The following ASXL1 variants were observed in gnomAD, a reference collection of about 807,000 sequenced individuals.
The protein encoded by ASXL1 is polycomb group protein ASXL1.
A neutral mutation model predicts 89.1 loss-of-function variants in ASXL1; 65 were observed. The ratio of observed to expected loss-of-function variants is 0.73; its 90% CI spans 0.60 to 0.90. The LOEUF is 0.90. Among genes scored for constraint, ASXL1 ranks in the 40% least tolerant of loss-of-function variants. ASXL1 has a pLI of 0.00. For missense variants in ASXL1, 1,786 were observed against 1,942.9 expected (o/e 0.92, Z 1.52); for synonymous variants, 739 against 746.9 (o/e 0.99, Z 0.17).
chr20:32,436,518 C>T lies in ASXL1; in HGVS notation c.3806C>T (p.Ser1269Leu), dbSNP rs747065583. ...AAGAGCCCAGGAGATCTTACTACCTCGAGAACACCTCGTTTCTCATCTCCA... is the reference window on the plus strand; with the variant it reads ...AAGAGCCCAGGAGATCTTACTACCTTGAGAACACCTCGTTTCTCATCTCCA... The part of the protein sequence containing the change: ...PGKSPGDLTT[S>L]RTPRFSSPNV... The change falls in exon 13 of 13, where the codon TCG (serine) becomes TTG (leucine). Residue 1269 changes from serine to leucine, a missense_variant. Physicochemically the swap from Ser to Leu is moderately radical, Grantham distance 145. Transcript: ENST00000375687. 8 of 1,614,234 alleles carry T rather than the reference C, an allele frequency of 5.0e-6. No individual in the cohort carries two copies. The highest frequency in any genetic ancestry group is 2.2e-5 in the South Asian group (2 of 91,086).
intron 4 of ASXL1, among the ~76,000 whole-genome samples, chr20:32,416,702 A>G (rs575044296): frequency 1.1e-4 from 17 of 152,298 alleles, no homozygotes; most frequent in Non-Finnish European, 2.2e-4. Flanking sequence ...CTAAGGGACT[A>G]TTCCCTTACC....
rs1204296403 is a variant in ASXL1, at chr20:32,435,399, T to C, written c.2687T>C (p.Leu896Ser). The stretch of plus-strand genomic sequence containing the variant: ...AAGGCTCTCGTTTCTAACAGTTCTT[T>C]GCATTGGATACCCATCCCATCGAAT... ...KTKALVSNSS[L>S]HWIPIPSNDE... Residue 896 changes from leucine to serine, a missense_variant, in exon 13 of 13, where the codon TTG becomes TCG. Around this residue, in one of 3 missense-constraint regions of ASXL1, gnomAD observed 1,418 missense variants for 1,427.8 expected, o/e 0.99. Transcript: ENST00000375687. 3.7e-6 allele frequency: 6 copies of C among 1,614,178 alleles called. No homozygotes were observed. The South Asian group carries it at 6.6e-5, about 18-fold the overall frequency.
intron 4 of ASXL1, among the ~76,000 whole-genome samples, chr20:32,422,081 G>T (rs572514443): frequency 4.1e-4 from 60 of 146,242 alleles, no homozygotes; most frequent in African/African-American, 1.4e-3. Context: ...GGGTTTCACC[G>T]TGTTAGCCAG....
chr20:32,399,412 C>A (rs999234397), intron 4 of ASXL1, among the ~76,000 whole-genome samples: 6 of 150,550 alleles, frequency 4.0e-5, no homozygotes, highest in African/African-American at 9.7e-5. Context: ...TTATGATATG[C>A]CAGTATGGTT....
Position 32,435,643 on chromosome 20 carries a change from G to A in ASXL1, c.2931G>A (p.Gln977=), listed in dbSNP as rs1555912354. 4 of 1,614,142 alleles carry A rather than the reference G, an allele frequency of 2.5e-6. No individual in the cohort carries two copies. The Admixed American group carries it at 6.7e-5, about 27-fold the overall frequency. ...ACAGCAATGGCAGTTACTGTCAACA[G>A]GTGGACATTGAAAAGCTGAAAATCA... ...GSDSNGSYCQ[Q]VDIEKLKING... is the part of the protein sequence containing the mutation. The change falls in exon 13 of 13, where the codon CAG becomes CAA. Residue 977 remains glutamine (Q), a synonymous_variant. Coordinates refer to ENST00000375687, the MANE Select transcript of ASXL1 (RefSeq NM_015338.6).
chr20:32,433,107 C>CA, intron 11 of ASXL1, 122 bp downstream of exon 11: 2 of 1,540,312 alleles, frequency 1.3e-6, no homozygotes, highest in Non-Finnish European at 1.8e-6. Flanking sequence ...ACACTTGGGT[C>CA]ATTTATCTTA....
intron 4 of ASXL1, among the ~76,000 whole-genome samples, chr20:32,376,269 T>G (rs2048376598): frequency 6.6e-6 from 1 of 151,968 alleles, no homozygotes; most frequent in African/African-American, 2.4e-5. Flanking sequence ...TTAATTTTAT[T>G]TTGTGTTGTG....
chr20:32,377,431 G>C (rs1016776765), intron 4 of ASXL1, among the ~76,000 whole-genome samples: 2 of 151,816 alleles, frequency 1.3e-5, no homozygotes, highest in African/African-American at 4.8e-5. Flanking sequence ...CATGACAAAG[G>C]GTTTCTTCTT....
At chr20:32,432,562 GGGCTGTTCTTTTAAGTA>G in intron 10 of ASXL1, 2 of 352,740 alleles carry the variant, frequency 5.7e-6, no homozygotes, top group Non-Finnish European at 1.1e-5. Flanking sequence ...TGTCAGCCAA[GGGCTGTTCTTTTAAGTA>G]GGCCTTTCTA....
At chr20:32,415,674 A>G (rs1307700101) in intron 4 of ASXL1, among the ~76,000 whole-genome samples, 1 of 151,978 alleles carries the variant, frequency 6.6e-6, no homozygotes, top group African/African-American at 2.4e-5. Flanking sequence ...ATAAACTTCA[A>G]CTTTCCTTCT....
Position 32,359,855 on chromosome 20 carries a change from A to G in ASXL1, c.57+1023A>G. Reference sequence around the variant, plus strand: ...AGACACTTTGAGACATATTCGGGTAATTATCTGCTGATACCAGTAGTAACA... The same window carrying G: ...AGACACTTTGAGACATATTCGGGTAGTTATCTGCTGATACCAGTAGTAACA... On this transcript the variant is annotated intron_variant, in intron 1 of 12. Transcript: ENST00000375687. The G allele has an allele frequency of 4.2e-6, 3 of 717,456 alleles. No homozygotes were observed. In the Admixed American group the frequency reaches 6.0e-5, roughly 14 times the overall value. The allele number at this position is 717,456 out of a possible 1,614,324, so 44.4% of individuals were successfully genotyped here.
intron 1 of ASXL1, among the ~76,000 whole-genome samples, chr20:32,364,996 A>G (rs1421895742): frequency 1.3e-5 from 2 of 152,184 alleles, no homozygotes; most frequent in East Asian, 3.8e-4. Flanking sequence ...AGCGAGAAAG[A>G]TGACACCTGC....
chr20:32,368,398 A>G (rs991903180), intron 3 of ASXL1, among the ~76,000 whole-genome samples: 2 of 152,182 alleles, frequency 1.3e-5, no homozygotes, highest in African/African-American at 4.8e-5. Flanking sequence ...AACTAAATCC[A>G]CTTGACTTAC....
At position 32,428,652 on chromosome 20, in the gene ASXL1, C is replaced by CTTTTT. The variant is rs35966674; in HGVS notation, c.471+253_471+257dup. The CTTTTT allele has an allele frequency of 2.6e-3, 381 of 147,852 alleles. 31 individuals carry two copies. Among genetic ancestry groups the CTTTTT allele is most frequent in the African/African-American group, 0.016 (262 of 16,714 alleles). 9.2% of individuals were successfully genotyped at this position (147,852 alleles called of 1,614,324 possible). On this transcript the variant is annotated intron_variant, in intron 6 of 12. Transcript: ENST00000375687. The stretch of plus-strand genomic sequence containing the variant: ...CCTTGGCTGAGTGATTTTGTTCATT[C>CTTTTT]TTTTTTTTTTTTTTTTTTTTTTTTT...
At chr20:32,386,426 T>C (rs374632631) in intron 4 of ASXL1, among the ~76,000 whole-genome samples, 1 of 142,974 alleles carries the variant, frequency 7.0e-6, no homozygotes, top group African/African-American at 2.9e-5. Context: ...TTGGGGTTAC[T>C]TTTTTTTTTG....
rs2011452434 is a variant in ASXL1 at position 32,429,494 on chromosome 20, G to A, written c.565+63G>A. ...GGTCCTGGGGACCTGGCCTCCCTCT[G>A]TCAGCAGTTTCTGACCTAATAGTGC... is the stretch of plus-strand genomic sequence containing the variant. On this transcript the variant is annotated intron_variant, in intron 7 of 12. Coordinates refer to ENST00000375687, the MANE Select transcript of ASXL1 (RefSeq NM_015338.6). This position sits in a 1 kb window ranked among gnomAD's most constrained non-coding sequence, Gnocchi z 4.9. The A allele has an allele frequency of 1.3e-6, 2 of 1,531,778 alleles. No individual in the cohort carries two copies. The highest frequency in any genetic ancestry group is 1.8e-6 in the Non-Finnish European group (2 of 1,106,084). 94.9% of individuals were successfully genotyped at this position (1,531,778 alleles called of 1,614,324 possible).
At chr20:32,375,684 G>C (rs1158117195) in intron 4 of ASXL1, among the ~76,000 whole-genome samples, 1 of 145,874 alleles carries the variant, frequency 6.9e-6, no homozygotes, top group South Asian at 2.2e-4. Context: ...TTTTTGTTTT[G>C]TTTTGTTTTG....
At chr20:32,404,580 T>A (rs1350544411) in intron 4 of ASXL1, among the ~76,000 whole-genome samples, 3 of 152,226 alleles carry the variant, frequency 2.0e-5, no homozygotes, top group Non-Finnish European at 4.4e-5. Context: ...TCATATCATC[T>A]GTTAATAGGG....
intron 2 of ASXL1, among the ~76,000 whole-genome samples, chr20:32,367,125 C>G (rs888788328): frequency 1.2e-4 from 18 of 151,424 alleles, no homozygotes; most frequent in African/African-American, 3.9e-4. Flanking sequence ...TGCCTGTAAT[C>G]CCAGCACTTT....
Sources: gnomAD v4.1 joint callset for allele counts (sites outside exome capture counted in the v4.1 genomes callset) on GRCh38, gnomAD v4.1.1 for gene constraint, gnomAD v4.1.1 regional missense constraint, Gnocchi (gnomAD v3.1) non-coding constraint, MANE v1.5 for transcripts, NCBI Gene and HGNC (gene_info 2026-07-23, HGNC 2026-07-21) for gene names.